Variants in PKIG observed in about 807,000 individuals in gnomAD.
PKIG encodes the protein cAMP-dependent protein kinase inhibitor gamma.
A neutral mutation model predicts 6.8 loss-of-function variants in PKIG; 1 was observed. The observed-to-expected ratio is 0.15, with a 90% CI of 0.05 to 0.69. PKIG has a LOEUF of 0.69. Ranked by LOEUF, PKIG falls within the 30% of genes least tolerant of loss-of-function variation. The pLI, the probability that PKIG is intolerant of heterozygous loss-of-function variation, is 0.82. For synonymous variants in PKIG, 39 were observed against 43.0 expected (o/e 0.91, Z 0.36); for missense variants, 77 against 104.0 (o/e 0.74, Z 1.13).
In PKIG at chr20:44,589,834, A is replaced by G. The variant is rs190836344; in HGVS notation, c.-56A>G. 1.4e-4 allele frequency: 21 copies of G among 152,458 alleles called. No individual in the cohort carries two copies. In the East Asian group the frequency reaches 3.9e-3, roughly 29 times the overall value. 9.4% of individuals were successfully genotyped at this position (152,458 alleles called of 1,614,324 possible). A position where few individuals can be genotyped will look rare whatever the true frequency, so the allele number is the denominator to read the frequency against. Reference sequence around the variant, plus strand: ...GATTAGTCAACAGTGGAAAATCTGAAGAGATGCAAGCAGGAAAAAGAAATT... The same window carrying G: ...GATTAGTCAACAGTGGAAAATCTGAGGAGATGCAAGCAGGAAAAAGAAATT... On this transcript the variant is annotated 5_prime_UTR_variant, in exon 2 of 4. Coordinates refer to ENST00000372886, the MANE Select transcript of PKIG (RefSeq NM_001281445.2).
intron 2 of PKIG, among the ~76,000 whole-genome samples, chr20:44,596,460 A>G (rs1022836011): frequency 1.3e-5 from 2 of 152,216 alleles, no homozygotes; most frequent in African/African-American, 4.8e-5. Context: ...TGAACAACCA[A>G]GGGCTTAGGA....
At chr20:44,560,604 C>T (rs1174167860) in intron 1 of PKIG, among the ~76,000 whole-genome samples, 1 of 152,108 alleles carries the variant, frequency 6.6e-6, no homozygotes, top group African/African-American at 2.4e-5. Flanking sequence ...GCTTGTTGTC[C>T]GTCAAGGATG....
At chr20:44,613,755 C>T (rs2065239735) in intron 2 of PKIG, among the ~76,000 whole-genome samples, 1 of 152,190 alleles carries the variant, frequency 6.6e-6, no homozygotes, top group Admixed American at 6.5e-5. Context: ...TGCCCCTTCC[C>T]AGCACTGCTG....
rs150394930 is a variant in PKIG, at chr20:44,610,659, T to C, written c.-23-3875T>C. The stretch of plus-strand genomic sequence containing the variant: ...CTTCAACCATTGAAAAAATATAGAC[T>C]TAGAAAACGAAAGTTCCCCTTAATC... On this transcript the variant is annotated intron_variant, in intron 2 of 3. Transcript: ENST00000372886. Among the ~76,000 whole-genome samples, 139 of 152,326 alleles carry C rather than the reference T, an allele frequency of 9.1e-4. 1 individual carries two copies. In the Middle Eastern group the frequency reaches 0.021, roughly 23 times the overall value.
chr20:44,572,391 T>C (rs1288900236), intron 1 of PKIG, among the ~76,000 whole-genome samples: 1 of 152,260 alleles, frequency 6.6e-6, no homozygotes. Context: ...AATATACATG[T>C]ATTATAATTT....
intron 1 of PKIG, among the ~76,000 whole-genome samples, chr20:44,535,546 CAGG>C (rs927136075): frequency 2.0e-5 from 3 of 152,132 alleles, no homozygotes; most frequent in Non-Finnish European, 2.9e-5. Context: ...GAAACTGAGG[CAGG>C]AGATTCTCTT....
At chr20:44,534,106 G>T (rs1447029716) in intron 1 of PKIG, among the ~76,000 whole-genome samples, 1 of 152,166 alleles carries the variant, frequency 6.6e-6, no homozygotes, top group African/African-American at 2.4e-5. Context: ...GAAGGCTGAG[G>T]AGCGATTGGG....
Position 44,610,715 on chromosome 20 carries a change from A to G in PKIG, c.-23-3819A>G, listed in dbSNP as rs1221388196. 2.0e-5 allele frequency among the ~76,000 whole-genome samples: 3 copies of G among 152,186 alleles called. No homozygotes were observed. In the East Asian group the frequency reaches 5.8e-4, roughly 29 times the overall value. Reference sequence around the variant, plus strand: ...GAACCACAGTTGACAGGGTTGATAGATGTTTTTTCAGATTTTTTTTTCATA... The same window carrying G: ...GAACCACAGTTGACAGGGTTGATAGGTGTTTTTTCAGATTTTTTTTTCATA... On this transcript the variant is annotated intron_variant, in intron 2 of 3. Transcript: ENST00000372886.
intron 1 of PKIG, among the ~76,000 whole-genome samples, chr20:44,559,255 A>G (rs1452716856): frequency 6.6e-6 from 1 of 152,240 alleles, no homozygotes. Context: ...GAAATTATGC[A>G]TGTCCAAACA....
chr20:44,601,966 C>T (rs2065124889), intron 2 of PKIG, among the ~76,000 whole-genome samples: 1 of 152,288 alleles, frequency 6.6e-6, no homozygotes, highest in South Asian at 2.1e-4. Flanking sequence ...GGAGAAGTGG[C>T]TTCCTGTGGG....
intron 1 of PKIG, among the ~76,000 whole-genome samples, chr20:44,544,036 C>T (rs1457828662): frequency 6.6e-6 from 1 of 150,618 alleles, no homozygotes; most frequent in Non-Finnish European, 1.5e-5. Flanking sequence ...TGCACTCCGA[C>T]CTGGGCAACA....
At chr20:44,534,930 T>TTAA (rs2064499284) in intron 1 of PKIG, among the ~76,000 whole-genome samples, 1 of 152,176 alleles carries the variant, frequency 6.6e-6, no homozygotes, top group South Asian at 2.1e-4. Flanking sequence ...GCTTTTACTC[T>TTAA]TAACCACTAC....
intron 2 of PKIG, among the ~76,000 whole-genome samples, chr20:44,610,494 T>A (rs1320417273): frequency 1.9e-3 from 217 of 113,522 alleles, no homozygotes; most frequent in African/African-American, 9.0e-3. Context: ...CTTCTCTCTC[T>A]CTCTCTCACA....
At chr20:44,608,167 A>C (rs2065183993) in intron 2 of PKIG, among the ~76,000 whole-genome samples, 1 of 152,168 alleles carries the variant, frequency 6.6e-6, no homozygotes, top group Non-Finnish European at 1.5e-5. Flanking sequence ...GGACCTTTTG[A>C]GTTTTAGACC....
chr20:44,588,859 G>T (rs1367942012), intron 1 of PKIG, among the ~76,000 whole-genome samples: 14 of 152,142 alleles, frequency 9.2e-5, no homozygotes, highest in Admixed American at 5.2e-4. Flanking sequence ...CCTCACACTT[G>T]ATATGTTAGC....
At chr20:44,616,812 G>A (rs943177069) in intron 3 of PKIG, among the ~76,000 whole-genome samples, 5 of 152,326 alleles carry the variant, frequency 3.3e-5, no homozygotes, top group Middle Eastern at 3.4e-3. Context: ...CCAAGGCAGG[G>A]GGAGTACAGA....
chr20:44,593,203 A>T (rs1600882109), intron 2 of PKIG, among the ~76,000 whole-genome samples: 1 of 151,950 alleles, frequency 6.6e-6, no homozygotes, highest in East Asian at 1.9e-4. Flanking sequence ...GGTGGCGTGC[A>T]CCTGTAGTCC....
intron 2 of PKIG, among the ~76,000 whole-genome samples, chr20:44,593,575 A>G (rs2065051954): frequency 1.3e-5 from 2 of 152,190 alleles, no homozygotes; most frequent in African/African-American, 4.8e-5. Flanking sequence ...GAGAGAGTAG[A>G]AGGGTGGTTT....
At chr20:44,589,062 G>A (rs1186995479) in intron 1 of PKIG, among the ~76,000 whole-genome samples, 1 of 152,148 alleles carries the variant, frequency 6.6e-6, no homozygotes, top group Non-Finnish European at 1.5e-5. Context: ...ATTGGTTACA[G>A]TTTGCCCTTT....
Sources: allele counts gnomAD v4.1 joint callset (sites outside exome capture counted in the v4.1 genomes callset), GRCh38; gene constraint gnomAD v4.1.1; transcripts MANE v1.5; gene names NCBI Gene and HGNC (gene_info 2026-07-23, HGNC 2026-07-21).